The following HEMK2 variants were observed in gnomAD, a reference collection of about 807,000 sequenced individuals.
HEMK2 encodes methyltransferase HEMK2.
chr21:28,747,934 G>A, the HEMK2 span, among the ~76,000 whole-genome samples: 28 of 152,220 alleles, frequency 1.8e-4, no homozygotes, highest in Non-Finnish European at 3.5e-4. Flanking sequence ...TCAGAGGAGC[G>A]TCTATGGCTG....
chr21:28,592,614 C>T, the HEMK2 span, among the ~76,000 whole-genome samples: 6 of 152,184 alleles, frequency 3.9e-5, no homozygotes, highest in East Asian at 1.9e-4. Context: ...AAAAGCCATC[C>T]AGCAGAATGC....
At chr21:28,848,482 T>C in the HEMK2 span, among the ~76,000 whole-genome samples, 9 of 152,260 alleles carry the variant, frequency 5.9e-5, no homozygotes, top group East Asian at 1.7e-3. Flanking sequence ...GTAGCCCTTC[T>C]GAGGTAATGT....
chr21:28,828,441 T>A, the HEMK2 span, among the ~76,000 whole-genome samples: 11 of 152,196 alleles, frequency 7.2e-5, no homozygotes. Context: ...TGTAGGTAAC[T>A]CTAATACGAA....
chr21:28,623,631 A>G, the HEMK2 span, among the ~76,000 whole-genome samples: 1 of 152,250 alleles, frequency 6.6e-6, no homozygotes, highest in African/African-American at 2.4e-5. Flanking sequence ...TAGCACATAT[A>G]CACCATGGAA....
the HEMK2 span, among the ~76,000 whole-genome samples, chr21:28,700,529 C>G: frequency 5.3e-5 from 8 of 152,016 alleles, no homozygotes; most frequent in Non-Finnish European, 1.2e-4. Flanking sequence ...CTGCTATGCA[C>G]GCAAGCTAGA....
chr21:28,661,662 C>T, the HEMK2 span, among the ~76,000 whole-genome samples: 1 of 151,530 alleles, frequency 6.6e-6, no homozygotes, highest in African/African-American at 2.4e-5. Context: ...CTCATATTTC[C>T]CCTCCACCTT....
chr21:28,677,346 G>C, the HEMK2 span, among the ~76,000 whole-genome samples: 2 of 152,228 alleles, frequency 1.3e-5, no homozygotes, highest in East Asian at 3.8e-4. Flanking sequence ...AGCGAGGCTG[G>C]GGGACGGGTG....
At chr21:28,777,097 CTTAAGCA>C in the HEMK2 span, among the ~76,000 whole-genome samples, 1 of 152,112 alleles carries the variant, frequency 6.6e-6, no homozygotes, top group Non-Finnish European at 1.5e-5. Context: ...TTCAGTTTTC[CTTAAGCA>C]TTAAGTAATC....
chr21:28,811,141 G>T, the HEMK2 span, among the ~76,000 whole-genome samples: 1 of 151,930 alleles, frequency 6.6e-6, no homozygotes, highest in Non-Finnish European at 1.5e-5. Flanking sequence ...CAGCACTTTA[G>T]GAGGCCAAGG....
At chr21:28,611,485 G>A in the HEMK2 span, among the ~76,000 whole-genome samples, 1 of 152,096 alleles carries the variant, frequency 6.6e-6, no homozygotes, top group African/African-American at 2.4e-5. Flanking sequence ...AAAACCTAGA[G>A]GAGATAGATA....
chr21:28,778,836 T>A, the HEMK2 span, among the ~76,000 whole-genome samples: 2 of 152,236 alleles, frequency 1.3e-5, no homozygotes, highest in Non-Finnish European at 2.9e-5. Flanking sequence ...AAACAAGCCT[T>A]TGCTGGATAT....
At chr21:28,732,596 A>G in the HEMK2 span, among the ~76,000 whole-genome samples, 7 of 152,328 alleles carry the variant, frequency 4.6e-5, no homozygotes, top group East Asian at 1.2e-3. Context: ...GAAAAAAAGA[A>G]GGCTGTAGGC....
At chr21:28,635,996 G>A in the HEMK2 span, among the ~76,000 whole-genome samples, 7 of 152,108 alleles carry the variant, frequency 4.6e-5, no homozygotes, top group South Asian at 4.1e-4. Flanking sequence ...AGACCACCCC[G>A]TTGCATTGCT....
chr21:28,753,164 G>A, the HEMK2 span, among the ~76,000 whole-genome samples: 86 of 152,048 alleles, frequency 5.7e-4, no homozygotes, highest in African/African-American at 2.0e-3. Context: ...GGAGACCAGC[G>A]TGGCCAATAT....
chr21:28,804,176 C>A, the HEMK2 span, among the ~76,000 whole-genome samples: 1 of 152,024 alleles, frequency 6.6e-6, no homozygotes, highest in African/African-American at 2.4e-5. Flanking sequence ...AGGCTATCTT[C>A]TTATGAAAAA....
At chr21:28,681,911 T>G in the HEMK2 span, among the ~76,000 whole-genome samples, 1 of 152,204 alleles carries the variant, frequency 6.6e-6, no homozygotes, top group Non-Finnish European at 1.5e-5. Context: ...CAAGATGGAT[T>G]AAAGACTTAT....
the HEMK2 span, among the ~76,000 whole-genome samples, chr21:28,640,987 T>C: frequency 2.6e-5 from 4 of 152,216 alleles, no homozygotes; most frequent in South Asian, 2.1e-4. Flanking sequence ...ACCGCGCATA[T>C]TGGGCTTTTA....
At chr21:28,824,975 T>C in the HEMK2 span, among the ~76,000 whole-genome samples, 1 of 152,236 alleles carries the variant, frequency 6.6e-6, no homozygotes, top group Non-Finnish European at 1.5e-5. Flanking sequence ...TTAACCCGTC[T>C]TGGGCAAACC....
chr21:28,741,585 G>A, the HEMK2 span, among the ~76,000 whole-genome samples: 755 of 152,182 alleles, frequency 5.0e-3, 4 homozygotes, highest in African/African-American at 0.018. Flanking sequence ...AGCGGGTGTT[G>A]TTCCCCTCTA....
Sources: gnomAD v4.1 joint callset for allele counts (sites outside exome capture counted in the v4.1 genomes callset) on GRCh38, gnomAD v4.1.1 for gene constraint, MANE v1.5 for transcripts, NCBI Gene and HGNC (gene_info 2026-07-23, HGNC 2026-07-21) for gene names.